Variants in ANO6 observed in about 807,000 individuals in gnomAD.
ANO6 encodes anoctamin-6.
Under a neutral mutation model 117.5 loss-of-function variants are expected in ANO6, and 106 were observed. The observed-to-expected ratio is 0.90, with a 90% CI of 0.77 to 1.06. The LOEUF is 1.06. Ranked by LOEUF, ANO6 falls within the 50% of genes least tolerant of loss-of-function variation. The pLI is 0.00. For synonymous variants in ANO6, 367 were observed against 385.1 expected, an observed-to-expected ratio of 0.95 and a Z score of 0.55; for missense variants, 955 against 1,121.1, an observed-to-expected ratio of 0.85 and a Z score of 2.12.
At chr12:45,344,335 T>C (rs1941067306) in intron 3 of ANO6, among the ~76,000 whole-genome samples, 1 of 152,218 alleles carries the variant, frequency 6.6e-6, no homozygotes, top group Admixed American at 6.5e-5. Context: ...TTAGGCATTG[T>C]ATTAGTTGTC....
chr12:45,424,696 CAA>C (rs1208258173), intron 19 of ANO6, among the ~76,000 whole-genome samples: 1 of 152,030 alleles, frequency 6.6e-6, no homozygotes, highest in African/African-American at 2.4e-5. Context: ...CTGGAGGTCT[CAA>C]AGAGCAAGCT....
intron 1 of ANO6, 75 bp from the exon 2 acceptor site, chr12:45,301,939 T>C (rs1216063607): frequency 2.4e-6 from 3 of 1,252,990 alleles, no homozygotes; most frequent in Non-Finnish European, 3.5e-6. Flanking sequence ...CCGGTGCTGC[T>C]GATTTAAAAG....
At chr12:45,272,936 A>C (rs776916464) in intron 1 of ANO6, among the ~76,000 whole-genome samples, 2 of 152,176 alleles carry the variant, frequency 1.3e-5, no homozygotes, top group Non-Finnish European at 2.9e-5. Context: ...TGGATAAAGA[A>C]ATTTTGGTCC....
At chr12:45,372,682 G>A (rs1383610505) in intron 9 of ANO6, among the ~76,000 whole-genome samples, 1 of 151,674 alleles carries the variant, frequency 6.6e-6, no homozygotes, top group Non-Finnish European at 1.5e-5. Flanking sequence ...GTCACCACCA[G>A]GCCTGCCCTA....
intron 2 of ANO6, among the ~76,000 whole-genome samples, chr12:45,309,135 T>C (rs146560342): frequency 1.3e-5 from 2 of 152,196 alleles, no homozygotes; most frequent in African/African-American, 2.4e-5. Flanking sequence ...GGTGGGACTA[T>C]GGCATTAGTG....
At chr12:45,341,740 G>A (rs1408494054) in intron 3 of ANO6, among the ~76,000 whole-genome samples, 1 of 152,186 alleles carries the variant, frequency 6.6e-6, no homozygotes, top group East Asian at 1.9e-4. Context: ...GGGACGAAGG[G>A]TCATTGGGTG....
At position 45,284,017 on chromosome 12, in the gene ANO6, A is replaced by G. The variant is rs570900358; in HGVS notation, c.71-17997A>G. Among the ~76,000 whole-genome samples the G allele has an allele frequency of 2.0e-5, 3 of 152,370 alleles. No homozygotes were observed. The East Asian group carries it at 5.8e-4, about 29-fold the overall frequency. On this transcript the variant is annotated intron_variant, in intron 1 of 19. Coordinates refer to ENST00000320560, the MANE Select transcript of ANO6 (RefSeq NM_001025356.3). ...GAGGCAGATTAATAGGATAAAAGGC[A>G]TACAAATTTATTTGATCATAGTTTT...
At chr12:45,341,735 G>A (rs1054079537) in intron 3 of ANO6, among the ~76,000 whole-genome samples, 1 of 152,208 alleles carries the variant, frequency 6.6e-6, no homozygotes, top group African/African-American at 2.4e-5. Flanking sequence ...CTGCAGGGAC[G>A]AAGGGTCATT....
chr12:45,421,848 A>G (rs1943374367), intron 18 of ANO6, among the ~76,000 whole-genome samples: 1 of 152,228 alleles, frequency 6.6e-6, no homozygotes, highest in South Asian at 2.1e-4. Flanking sequence ...AACAGTGGAC[A>G]GTATGTACCA....
chr12:45,238,897 G>T (rs1049020514), intron 1 of ANO6, among the ~76,000 whole-genome samples: 19 of 152,184 alleles, frequency 1.2e-4, no homozygotes, highest in Admixed American at 1.2e-3. Flanking sequence ...AAGCTGATTT[G>T]ATCATGTTGG....
chr12:45,259,304 T>C (rs1937942800), intron 1 of ANO6, among the ~76,000 whole-genome samples: 1 of 152,250 alleles, frequency 6.6e-6, no homozygotes, highest in African/African-American at 2.4e-5. Flanking sequence ...GGGGTTTGTG[T>C]ATCCCTAGAA....
chr12:45,356,828 G>T (rs968064743), intron 7 of ANO6, among the ~76,000 whole-genome samples: 3 of 152,108 alleles, frequency 2.0e-5, no homozygotes, highest in African/African-American at 7.2e-5. Flanking sequence ...ACCCTGTGTT[G>T]TTTAAGGCTC....
chr12:45,337,544 A>C (rs1055737426), intron 3 of ANO6, among the ~76,000 whole-genome samples: 3 of 152,102 alleles, frequency 2.0e-5, no homozygotes, highest in African/African-American at 7.2e-5. Context: ...GCATGAATGA[A>C]TTTATAATTT....
At chr12:45,240,108 A>G (rs764439996) in intron 1 of ANO6, among the ~76,000 whole-genome samples, 17 of 152,122 alleles carry the variant, frequency 1.1e-4, no homozygotes, top group African/African-American at 1.7e-4. Context: ...GATCTGTCTA[A>G]TATTGACAGT....
chr12:45,415,659 C>T (rs970304001), intron 16 of ANO6, among the ~76,000 whole-genome samples: 3 of 152,260 alleles, frequency 2.0e-5, no homozygotes, highest in Non-Finnish European at 4.4e-5. Flanking sequence ...CCTGCCTGGC[C>T]TGTGGGACTT....
chr12:45,375,693 CA>C (rs201415199), intron 9 of ANO6, among the ~76,000 whole-genome samples: 8,138 of 151,414 alleles, frequency 0.054, 386 homozygotes, highest in East Asian at 0.31. Flanking sequence ...ACACCTTTTA[CA>C]AAAATCAATT....
chr12:45,413,330 A>T (rs988144790), intron 16 of ANO6, among the ~76,000 whole-genome samples: 1 of 152,230 alleles, frequency 6.6e-6, no homozygotes, highest in Admixed American at 6.5e-5. Context: ...TGAATTGCAT[A>T]GCAGATGAGG....
intron 2 of ANO6, chr12:45,313,225 A>G (rs1939902992): frequency 6.6e-6 from 1 of 151,958 alleles, no homozygotes; most frequent in Non-Finnish European, 1.5e-5. Context: ...AGGTTGCCCT[A>G]GGAAGTTGAA....
chr12:45,374,970 A>C (rs1941962481), intron 9 of ANO6, among the ~76,000 whole-genome samples: 1 of 151,668 alleles, frequency 6.6e-6, no homozygotes, highest in Non-Finnish European at 1.5e-5. Context: ...GTCTCAGCCC[A>C]AAATCTCCTT....
Sources: allele counts gnomAD v4.1 joint callset (sites outside exome capture counted in the v4.1 genomes callset), GRCh38; gene constraint gnomAD v4.1.1; transcripts MANE v1.5; gene names NCBI Gene and HGNC (gene_info 2026-07-23, HGNC 2026-07-21).